Variants in TMEM164 observed in about 807,000 individuals in gnomAD.
TMEM164 encodes the protein transmembrane protein 164, also known as RP13-360B22.2.
TMEM164 carries 4 observed loss-of-function variants against 18.8 expected under a neutral mutation model. The ratio of observed to expected loss-of-function variants is 0.21; its 90% confidence interval spans 0.10 to 0.49. The LOEUF (loss-of-function observed/expected upper bound fraction) is 0.49. Among genes scored for constraint, TMEM164 ranks in the 20% least tolerant of loss-of-function variants. The pLI, the probability that TMEM164 is intolerant of heterozygous loss-of-function variation, is 0.98. For synonymous variants in TMEM164, 86 were observed against 101.7 expected (o/e 0.85, Z 0.93); for missense variants, 108 against 239.9 (o/e 0.45, Z 3.63).
intron 2 of TMEM164, chrX:110,065,426 C>T (rs1437446361): frequency 3.6e-5 from 4 of 111,383 alleles, no homozygotes; most frequent in African/African-American, 1.3e-4. Context: ...GTTGGGGCCC[C>T]TTCCTCTTCT....
At chrX:110,032,372 G>C (rs933302804) in intron 2 of TMEM164, among the ~76,000 whole-genome samples, 1 of 111,453 alleles carries the variant, frequency 9.0e-6, no homozygotes, top group Non-Finnish European at 1.9e-5. Context: ...TAAACACTTA[G>C]TTAATATCTG....
rs1211911273 is a variant in TMEM164 at position 110,135,787 on chromosome X, C to G, written c.508-9011C>G. On this transcript the variant is annotated intron_variant, in intron 4 of 6. Coordinates refer to ENST00000372068, the MANE Select transcript of TMEM164 (RefSeq NM_032227.4). Reference sequence around the variant, plus strand: ...AGATTCAACAATATCTAACATTTCTCCATATTCACTTCCTATCTAAATTTG... The same window carrying G: ...AGATTCAACAATATCTAACATTTCTGCATATTCACTTCCTATCTAAATTTG... 2.7e-5 allele frequency among the ~76,000 whole-genome samples: 3 copies of G among 111,935 alleles called. No homozygotes were observed. The Admixed American group carries it at 2.8e-4, about 11-fold the overall frequency.
intron 2 of TMEM164, among the ~76,000 whole-genome samples, chrX:110,025,274 C>T (rs893669258): frequency 8.9e-6 from 1 of 112,012 alleles, no homozygotes; most frequent in Non-Finnish European, 1.9e-5. Context: ...GCTTGGCATA[C>T]AGTCAGTGCT....
chrX:110,160,794 G>C (rs926745089), intron 5 of TMEM164, among the ~76,000 whole-genome samples: 6 of 112,148 alleles, frequency 5.4e-5, no homozygotes, highest in African/African-American at 1.9e-4. Context: ...AGGCTGGAAT[G>C]TAGTGGTGTG....
chrX:110,112,336 T>C (rs2066302087), intron 4 of TMEM164, among the ~76,000 whole-genome samples: 1 of 110,855 alleles, frequency 9.0e-6, no homozygotes, highest in African/African-American at 3.3e-5. Flanking sequence ...CGCCTCCAAA[T>C]AAATAAACAA....
At chrX:110,148,331 C>A (rs1375864120) in intron 5 of TMEM164, among the ~76,000 whole-genome samples, 1 of 110,570 alleles carries the variant, frequency 9.0e-6, no homozygotes, top group African/African-American at 3.3e-5. Flanking sequence ...TTCTCTCTAC[C>A]TCTACAAGCT....
intron 5 of TMEM164, among the ~76,000 whole-genome samples, chrX:110,154,723 A>G (rs1323429028): frequency 2.7e-5 from 3 of 112,193 alleles, no homozygotes; most frequent in Non-Finnish European, 5.6e-5. Flanking sequence ...CCTGGCCTGC[A>G]CTAGAGTTTA....
At chrX:110,155,274 T>C (rs1042028684) in intron 5 of TMEM164, among the ~76,000 whole-genome samples, 7 of 111,181 alleles carry the variant, frequency 6.3e-5, no homozygotes, top group African/African-American at 2.3e-4. Context: ...CTCCTTGGGC[T>C]CTTTTGCTCT....
intron 2 of TMEM164, chrX:110,020,675 T>C (rs760639413): frequency 1.9e-4 from 144 of 752,306 alleles, no homozygotes; most frequent in Non-Finnish European, 2.2e-4. Flanking sequence ...TAATTAGATT[T>C]GGTGTTTACA....
rs574335705 is a variant in TMEM164 at position 110,046,812 on chromosome X, G to T, written c.391-20535G>T. ...CAACCATTCTTTGTTCAGGATTTGG[G>T]ACTCAGCTAGCCAAAATATCCACAA... On this transcript the variant is annotated intron_variant, in intron 2 of 6. Transcript: ENST00000372068. Among the ~76,000 whole-genome samples, 5 of 112,115 alleles carry T rather than the reference G, an allele frequency of 4.5e-5. No homozygotes were observed. In the South Asian group the frequency reaches 1.8e-3, roughly 41 times the overall value.
intron 2 of TMEM164, among the ~76,000 whole-genome samples, chrX:110,059,266 T>C (rs1050914443): frequency 9.0e-6 from 1 of 111,561 alleles, no homozygotes; most frequent in African/African-American, 3.3e-5. Flanking sequence ...ATGGTCTTGA[T>C]ACCTTAGTCA....
intron 2 of TMEM164, among the ~76,000 whole-genome samples, chrX:110,021,204 T>G (rs767666373): frequency 7.1e-4 from 79 of 111,962 alleles, no homozygotes; most frequent in Non-Finnish European, 1.2e-3. Context: ...AAAGAAAGGA[T>G]GATTGGCAGC....
chrX:110,143,769 C>T (rs2066806863), intron 4 of TMEM164, among the ~76,000 whole-genome samples: 1 of 109,731 alleles, frequency 9.1e-6, no homozygotes, highest in Non-Finnish European at 1.9e-5. Flanking sequence ...TGACCCTTTC[C>T]CCTGGGTGCC....
intron 5 of TMEM164, among the ~76,000 whole-genome samples, chrX:110,149,479 G>A (rs2066910529): frequency 8.9e-6 from 1 of 111,828 alleles, no homozygotes; most frequent in African/African-American, 3.3e-5. Flanking sequence ...GTTTTGGATT[G>A]CTCTGCTTCG....
chrX:110,181,979 G>A (rs1415442184), downstream of TMEM164, among the ~76,000 whole-genome samples: 1 of 112,003 alleles, frequency 8.9e-6, no homozygotes, highest in African/African-American at 3.3e-5. Flanking sequence ...GTGTTTGTGT[G>A]TAGGACAGGT....
rs142549868 is a variant in TMEM164 at position 110,020,216 on chromosome X, G to A, written c.390+16052G>A. 9.1e-3 allele frequency: 1,706 copies of A among 186,761 alleles called. 29 individuals are homozygous for A. Among genetic ancestry groups the A allele is most frequent in the African/African-American group, 0.049 (1,579 of 32,108 alleles). The allele number at this position is 186,761 out of a possible 1,213,427, so 15.4% of individuals were successfully genotyped here. ...GTTTTTATTAATTTTTGTATCCCCC[G>A]CACAGCTTCTGGTACATTCTAGATT... On this transcript the variant is annotated intron_variant, in intron 2 of 6. Coordinates refer to ENST00000372068, the MANE Select transcript of TMEM164 (RefSeq NM_032227.4).
intron 2 of TMEM164, among the ~76,000 whole-genome samples, chrX:110,047,361 GAC>G (rs1935358665): frequency 8.9e-6 from 1 of 112,326 alleles, no homozygotes; most frequent in African/African-American, 3.2e-5. Flanking sequence ...ATTGGGCAGA[GAC>G]ACAGGAAGAT....
intron 4 of TMEM164, among the ~76,000 whole-genome samples, chrX:110,126,733 T>C: frequency 9.1e-6 from 1 of 110,228 alleles, no homozygotes; most frequent in Non-Finnish European, 1.9e-5. Context: ...CACCTTAGTG[T>C]AGTTGTTGAG....
rs181334352 is a variant in TMEM164, at chrX:110,075,159, G to C, written c.440+7763G>C. 7.2e-5 allele frequency among the ~76,000 whole-genome samples: 8 copies of C among 111,301 alleles called. No individual in the cohort carries two copies. In the South Asian group the frequency reaches 3.0e-3, roughly 42 times the overall value. Reference sequence around the variant, plus strand: ...TTAGCAGGGTTTTTTAGTTCTCCTCGTAAAGATCTTTCATCTCCTTGGCTG... The same window carrying C: ...TTAGCAGGGTTTTTTAGTTCTCCTCCTAAAGATCTTTCATCTCCTTGGCTG... On this transcript the variant is annotated intron_variant, in intron 3 of 6. Transcript: ENST00000372068.
Sources: gnomAD v4.1 joint callset for allele counts (sites outside exome capture counted in the v4.1 genomes callset) on GRCh38, gnomAD v4.1.1 for gene constraint, MANE v1.5 for transcripts, NCBI Gene and HGNC (gene_info 2026-07-23, HGNC 2026-07-21) for gene names.